KLHL15: variants seen among roughly 807,000 people sequenced by gnomAD.
KLHL15 encodes the protein kelch-like protein 15.
KLHL15 carries 1 observed loss-of-function variant against 29.3 expected under a neutral mutation model. The ratio of observed to expected loss-of-function variants is 0.03; its 90% CI spans 0.01 to 0.16. The LOEUF is 0.16. Ranked by LOEUF, KLHL15 falls within the 10% of genes least tolerant of loss-of-function variation. The pLI is 1.00. For synonymous variants in KLHL15, 212 were observed against 184.5 expected, an observed-to-expected ratio of 1.15 and a Z score of -1.21; for missense variants, 215 against 478.5, an observed-to-expected ratio of 0.45 and a Z score of 5.14.
At position 23,988,811 on chromosome X, in the gene KLHL15, C is replaced by G; in HGVS notation, c.925G>C (p.Glu309Gln). Reference sequence around the variant, plus strand: ...AGAGGTACTTGTGGGCCTTCTAGCTCCCACCAGACTCTTGGTTTCTTTAAG... The same window carrying G: ...AGAGGTACTTGTGGGCCTTCTAGCTGCCACCAGACTCTTGGTTTCTTTAAG... The part of the protein sequence containing the change: ...LLLKKPRVWW[E>Q]LEGPQVPLRP... Residue 309 changes from glutamate to glutamine, a missense_variant, in exon 4 of 4, where the codon GAG becomes CAG. Physicochemically the swap from Glu to Gln is conservative, Grantham distance 29. Transcript: ENST00000328046. 3.3e-6 allele frequency: 4 copies of G among 1,211,544 alleles called. No individual in the cohort carries two copies. The highest frequency in any genetic ancestry group is 4.5e-6 in the Non-Finnish European group (4 of 895,414).
At chrX:24,021,960 C>CACT (rs1330618077) in intron 2 of KLHL15, among the ~76,000 whole-genome samples, 1 of 111,791 alleles carries the variant, frequency 8.9e-6, no homozygotes, top group Non-Finnish European at 1.9e-5. Flanking sequence ...AAAACATTTG[C>CACT]ACTGGGAAAG....
At chrX:23,997,730 C>CAAA (rs59857010) in intron 3 of KLHL15, among the ~76,000 whole-genome samples, 11 of 24,229 alleles carry the variant, frequency 4.5e-4, no homozygotes, top group East Asian at 1.4e-3. Context: ...GACTCTGTCT[C>CAAA]AAAAAAAAAA....
intron 3 of KLHL15, among the ~76,000 whole-genome samples, chrX:23,997,766 T>TA (rs200213759): frequency 3.9e-5 from 4 of 103,075 alleles, no homozygotes; most frequent in East Asian, 3.0e-4. Context: ...TTTTTTTTTT[T>TA]AAATTTTAGA....
intron 3 of KLHL15, among the ~76,000 whole-genome samples, chrX:23,996,587 C>T (rs186092829): frequency 9.0e-5 from 10 of 111,157 alleles, no homozygotes; most frequent in African/African-American, 3.3e-4. Context: ...CGCTTGATCC[C>T]GGGAGGCAGA....
chrX:24,013,475 G>C (rs1929614793), intron 2 of KLHL15, among the ~76,000 whole-genome samples: 1 of 110,038 alleles, frequency 9.1e-6, no homozygotes, highest in Non-Finnish European at 1.9e-5. Flanking sequence ...ATGTTGGCCA[G>C]CTGGTCTTGA....
At chrX:24,002,803 A>AT (rs1929357025) in intron 3 of KLHL15, among the ~76,000 whole-genome samples, 1 of 111,023 alleles carries the variant, frequency 9.0e-6, no homozygotes, top group South Asian at 3.7e-4. Flanking sequence ...TAATTTTTAC[A>AT]TTTTTTGTAG....
chrX:24,015,595 G>A (rs776007387), intron 2 of KLHL15, among the ~76,000 whole-genome samples: 1 of 112,726 alleles, frequency 8.9e-6, no homozygotes, highest in East Asian at 2.8e-4. Context: ...GATGGTAGTA[G>A]TAAGTAAGGG....
chrX:24,003,683 G>A (rs1022345066), intron 3 of KLHL15, among the ~76,000 whole-genome samples: 94 of 106,939 alleles, frequency 8.8e-4, no homozygotes, highest in Non-Finnish European at 1.4e-3. Flanking sequence ...GTGTGTGCTC[G>A]TGTGCACATG....
rs1928939634 is a variant in KLHL15, at chrX:23,983,772, CA to C, written c.*4148del. On this transcript the variant is annotated 3_prime_UTR_variant, in exon 4 of 4. Coordinates refer to ENST00000328046, the MANE Select transcript of KLHL15 (RefSeq NM_030624.3). ...AACTTTTCTTCATAAACACTTTTAA[CA>C]TTTTTTTCAATTTAAAAACAGAATG... 1 of 111,862 alleles carries C rather than the reference CA, an allele frequency of 8.9e-6. No individual in the cohort carries two copies. The highest frequency in any genetic ancestry group is 1.9e-5 in the Non-Finnish European group (1 of 53,162). 9.2% of individuals were successfully genotyped at this position (111,862 alleles called of 1,213,427 possible). A position where few individuals can be genotyped will look rare whatever the true frequency, so the allele number is the denominator to read the frequency against.
intron 3 of KLHL15, among the ~76,000 whole-genome samples, chrX:23,992,235 A>G (rs1167979307): frequency 8.9e-6 from 1 of 112,355 alleles, no homozygotes; most frequent in East Asian, 2.8e-4. Context: ...TATTATTGGG[A>G]TAACACATTC....
intron 2 of KLHL15, among the ~76,000 whole-genome samples, chrX:24,015,947 C>T (rs755782237): frequency 3.6e-5 from 4 of 110,008 alleles, no homozygotes; most frequent in East Asian, 2.8e-4. Context: ...TGCAGTAAGC[C>T]GAGATCGGGC....
At chrX:24,003,957 T>TAA (rs373003607) in intron 3 of KLHL15, among the ~76,000 whole-genome samples, 20 of 86,119 alleles carry the variant, frequency 2.3e-4, no homozygotes, top group African/African-American at 7.0e-4. Context: ...AAAAGTATAC[T>TAA]AAAAAAAAAA....
In KLHL15 at chrX:23,986,625, C is replaced by T. The variant is rs1253404551; in HGVS notation, c.*1296G>A. 1.8e-5 allele frequency: 2 copies of T among 112,359 alleles called. No homozygotes were observed. The highest frequency in any genetic ancestry group is 6.5e-5 in the African/African-American group (2 of 30,990). The allele number at this position is 112,359 out of a possible 1,213,427, so 9.3% of individuals were successfully genotyped here. ...CCATTCTGAACTTTGTGGTTACTATCCTTCATGCTAATAGCTTTCAGTAAA... is the reference window on the plus strand; with the variant it reads ...CCATTCTGAACTTTGTGGTTACTATTCTTCATGCTAATAGCTTTCAGTAAA... On this transcript the variant is annotated 3_prime_UTR_variant, in exon 4 of 4. Transcript: ENST00000328046.
chrX:24,025,483 T>G (rs1170601892), intron 1 of KLHL15, among the ~76,000 whole-genome samples: 1 of 102,863 alleles, frequency 9.7e-6, no homozygotes, highest in African/African-American at 3.5e-5. Context: ...CCCAGTGCGC[T>G]GTCGTCTTGA....
At chrX:24,004,535 G>C (rs1297644162) in intron 3 of KLHL15, among the ~76,000 whole-genome samples, 1 of 111,866 alleles carries the variant, frequency 8.9e-6, no homozygotes, top group Non-Finnish European at 1.9e-5. Flanking sequence ...GCTCACGCCT[G>C]TAATCCCAGC....
chrX:24,013,630 G>C (rs943279196), intron 2 of KLHL15, among the ~76,000 whole-genome samples: 1 of 111,154 alleles, frequency 9.0e-6, no homozygotes, highest in Non-Finnish European at 1.9e-5. Flanking sequence ...TGCATACTGG[G>C]AACAAAAGGA....
chrX:24,008,517 G>C (rs1929500810), intron 2 of KLHL15, among the ~76,000 whole-genome samples: 1 of 112,330 alleles, frequency 8.9e-6, no homozygotes, highest in African/African-American at 3.2e-5. Flanking sequence ...GGGGTTACAG[G>C]CGTGAGCCAC....
chrX:23,991,521 C>T (rs927694810), intron 3 of KLHL15, among the ~76,000 whole-genome samples: 2 of 108,605 alleles, frequency 1.8e-5, no homozygotes, highest in African/African-American at 6.9e-5. Context: ...CTCTTATCTC[C>T]AAAAACAAAC....
chrX:23,988,392 G>A lies in KLHL15; in HGVS notation c.1344C>T (p.Pro448=), dbSNP rs752322003. The A allele has an allele frequency of 1.7e-6, 2 of 1,210,122 alleles. No individual in the cohort carries two copies. Among genetic ancestry groups the A allele is most frequent in the Admixed American group, 4.4e-5 (2 of 45,694 alleles). ...STSKQVCVFD[P]SKEGTIEQRT... Reference sequence around the variant, plus strand: ...GTTGTTCTATGGTCCCTTCTTTGCTGGGGTCAAACACGCACACTTGCTTGG... The same window carrying A: ...GTTGTTCTATGGTCCCTTCTTTGCTAGGGTCAAACACGCACACTTGCTTGG... The change falls in exon 4 of 4, where the codon CCC becomes CCT. Residue 448 remains proline (P), a synonymous_variant. Coordinates refer to ENST00000328046, the MANE Select transcript of KLHL15 (RefSeq NM_030624.3).
Sources: allele counts gnomAD v4.1 joint callset (sites outside exome capture counted in the v4.1 genomes callset), GRCh38; gene constraint gnomAD v4.1.1; transcripts MANE v1.5; gene names NCBI Gene and HGNC (gene_info 2026-07-23, HGNC 2026-07-21).